The following ARL5C variants were observed in gnomAD, a reference collection of about 807,000 sequenced individuals.
ARL5C encodes the protein ARF like GTPase 5C.
ARL5C carries 21 observed loss-of-function variants against 20.8 expected under a neutral mutation model. That is an observed-to-expected ratio of 1.01 (90% CI 0.72 to 1.46). ARL5C has a LOEUF of 1.46. ARL5C is among the 40% of genes most tolerant of loss of function. The pLI, the probability that ARL5C is intolerant of heterozygous loss-of-function variation, is 0.00. For synonymous variants in ARL5C, 71 were observed against 81.6 expected (o/e 0.87, Z 0.70); for missense variants, 199 against 225.1 (o/e 0.88, Z 0.74).
intron 2 of ARL5C, among the ~76,000 whole-genome samples, chr17:39,163,143 G>A (rs1244811160): frequency 6.6e-6 from 1 of 152,122 alleles, no homozygotes; most frequent in African/African-American, 2.4e-5. Flanking sequence ...GTCTCACTGT[G>A]TTGCCCAGGC....
rs1002107312 is a variant in ARL5C, at chr17:39,165,600, C to T, written c.46+115G>A. 8.2e-6 allele frequency: 11 copies of T among 1,334,306 alleles called. No individual in the cohort carries two copies. The Admixed American group carries it at 2.0e-4, about 24-fold the overall frequency. 82.7% of individuals were successfully genotyped at this position (1,334,306 alleles called of 1,614,324 possible). On this transcript the variant is annotated intron_variant, in intron 1 of 5. Coordinates refer to ENST00000269586, the MANE Select transcript of ARL5C (RefSeq NM_001143968.1). ...GAGGCCGCGGGGCAGTCGAGGAGCG[C>T]CCATATACGACCCTCGGAGCCCGAG... is the stretch of plus-strand genomic sequence containing the variant.
At position 39,160,766 on chromosome 17, in the gene ARL5C, C is replaced by G. The variant is rs949115963; in HGVS notation, c.340-24G>C. 1.5e-5 allele frequency: 23 copies of G among 1,549,134 alleles called. No individual in the cohort carries two copies. In the Admixed American group the frequency reaches 4.5e-4, roughly 30 times the overall value. ...GCCTGTGGACAGAGGAGCCCAGCCC[C>G]AGTCAGCCTGCTAGTGCCCAGCCTT... On this transcript the variant is annotated intron_variant, in intron 4 of 5. Coordinates refer to ENST00000269586, the MANE Select transcript of ARL5C (RefSeq NM_001143968.1).
chr17:39,165,386 G>A (rs144372784), intron 1 of ARL5C: 2 of 590,980 alleles, frequency 3.4e-6, no homozygotes, highest in East Asian at 2.8e-5. Context: ...GGCGCTTCGG[G>A]GCTTGCCAAG....
chr17:39,163,392 T>TTCTTTCTTTCTTTCTTTCTC (rs1555576164), intron 2 of ARL5C, among the ~76,000 whole-genome samples: 3 of 139,904 alleles, frequency 2.1e-5, no homozygotes, highest in Admixed American at 7.1e-5. Flanking sequence ...CTTTCTTTCT[T>TTCTTTCTTTCTTTCTTTCTC]TCTCTCTTTC....
chr17:39,159,022 G>GTTTTT lies in ARL5C; in HGVS notation c.491+1564_491+1568dup, dbSNP rs869126572. 4.6e-4 allele frequency among the ~76,000 whole-genome samples: 24 copies of GTTTTT among 52,468 alleles called. 6 individuals carry two copies. The highest frequency in any genetic ancestry group is 1.8e-3 in the South Asian group (2 of 1,112). The allele number at this position is 52,468 out of a possible 152,430, so 34.4% of individuals were successfully genotyped here. A position where few individuals can be genotyped will look rare whatever the true frequency, so the allele number is the denominator to read the frequency against. On this transcript the variant is annotated intron_variant, in intron 5 of 5. Coordinates refer to ENST00000269586, the MANE Select transcript of ARL5C (RefSeq NM_001143968.1). Reference sequence around the variant, plus strand: ...TTATTCACCTTATCATTTATCACTTGTTTTTTTTTTTTTTTTTTTTTTTTT... The same window carrying GTTTTT: ...TTATTCACCTTATCATTTATCACTTGTTTTTTTTTTTTTTTTTTTTTTTTTTTTTT...
intron 1 of ARL5C, 84 bp from the exon 2 acceptor site, chr17:39,165,223 G>T: frequency 7.2e-7 from 1 of 1,383,142 alleles, no homozygotes. Flanking sequence ...TCCCAGGAAG[G>T]AGATAGCGCT....
chr17:39,163,976 AG>A (rs1294426895), intron 2 of ARL5C: 1 of 150,748 alleles, frequency 6.6e-6, no homozygotes, highest in African/African-American at 2.5e-5. Flanking sequence ...CATGTTGGCC[AG>A]GCTGGTCTCG....
chr17:39,160,278 A>C (rs1297661172), intron 5 of ARL5C: 1 of 245,974 alleles, frequency 4.1e-6, no homozygotes, highest in Admixed American at 5.2e-5. Flanking sequence ...AGCTGAGGTC[A>C]TGCCATTGCA....
downstream of ARL5C, chr17:39,156,760 T>C (rs116044498): frequency 4.7e-3 from 4,815 of 1,030,684 alleles, 136 homozygotes; most frequent in African/African-American, 0.069. Flanking sequence ...GGGAGAATGG[T>C]GTCAATCTCA....
chr17:39,165,893 G>A lies in ARL5C; in HGVS notation c.-133C>T. Reference sequence around the variant, plus strand: ...CTACGAAGTTAGGGAAGCCCCACACGTCACCAACCTGACCTGGGAACCCTC... The same window carrying A: ...CTACGAAGTTAGGGAAGCCCCACACATCACCAACCTGACCTGGGAACCCTC... On this transcript the variant is annotated 5_prime_UTR_variant, in exon 1 of 6. It adds an upstream start codon to the 5' untranslated region. Coordinates refer to ENST00000269586, the MANE Select transcript of ARL5C (RefSeq NM_001143968.1). 2 of 1,025,882 alleles carry A rather than the reference G, an allele frequency of 1.9e-6. No homozygotes were observed. The highest frequency in any genetic ancestry group is 2.9e-6 in the Non-Finnish European group (2 of 690,932). 63.5% of individuals were successfully genotyped at this position (1,025,882 alleles called of 1,614,324 possible).
At position 39,165,133 on chromosome 17, in the gene ARL5C, G is replaced by T; in HGVS notation, c.53C>A (p.Thr18Lys). The change falls in exon 2 of 6, where the codon ACG becomes AAG. Residue 18 changes from threonine (T) to lysine (K), a missense_variant. Thr to Lys is a moderately conservative substitution (Grantham distance 78). Coordinates refer to ENST00000269586, the MANE Select transcript of ARL5C (RefSeq NM_001143968.1). ...LMSIFGNQEH[T>K]VIIVGLDNEG... ...ATTGTCCAGTCCCACGATGATGACC[G>T]TGTGCTCTGGAAGCGTCGGAGGAAG... 1 of 1,551,360 alleles carries T rather than the reference G, an allele frequency of 6.4e-7. No individual in the cohort carries two copies. Among genetic ancestry groups the T allele is most frequent in the Non-Finnish European group, 8.7e-7 (1 of 1,146,848 alleles).
chr17:39,165,867 C>T lies in ARL5C; in HGVS notation c.-107G>A, dbSNP rs1347819265. On this transcript the variant is annotated 5_prime_UTR_variant, in exon 1 of 6. Transcript: ENST00000269586. ...CCCCGGGAGGGTCTGGCAGATTTTG[C>T]CTACGAAGTTAGGGAAGCCCCACAC... The T allele has an allele frequency of 5.8e-6, 8 of 1,381,096 alleles. No individual in the cohort carries two copies. Among genetic ancestry groups the T allele is most frequent in the Non-Finnish European group, 8.0e-6 (8 of 1,002,892 alleles). 85.6% of individuals were successfully genotyped at this position (1,381,096 alleles called of 1,614,324 possible). A position where few individuals can be genotyped will look rare whatever the true frequency, so the allele number is the denominator to read the frequency against.
Position 39,162,718 on chromosome 17 carries a change from T to C in ARL5C, c.248A>G (p.Asn83Ser). Residue 83 changes from asparagine to serine, a missense_variant, in exon 3 of 6, where the codon AAC (asparagine) becomes AGC (serine). Physicochemically the swap from Asn to Ser is conservative, Grantham distance 46. Transcript: ENST00000269586. Reference sequence around the variant, plus strand: ...CCCTGGTGCCCTCCTCACCTCAGTGTTGGAGTAGTATGTGTTCCAGATAAA... The same window carrying C: ...CCCTGGTGCCCTCCTCACCTCAGTGCTGGAGTAGTATGTGTTCCAGATAAA... ...LSFIWNTYYS[N>S]TEFIILVIDS... 10 of 1,551,662 alleles carry C rather than the reference T, an allele frequency of 6.4e-6. No homozygotes were observed. Among genetic ancestry groups the C allele is most frequent in the South Asian group, 1.2e-5 (1 of 84,032 alleles).
At chr17:39,163,444 C>T (rs1159259626) in intron 2 of ARL5C, among the ~76,000 whole-genome samples, 1 of 149,676 alleles carries the variant, frequency 6.7e-6, no homozygotes, top group Non-Finnish European at 1.5e-5. Context: ...CAGAGTCTCA[C>T]TCTGTCGCCC....
chr17:39,160,216 C>T (rs567036049), intron 5 of ARL5C: 125 of 164,764 alleles, frequency 7.6e-4, no homozygotes, highest in African/African-American at 2.4e-3. Context: ...CCAGCTACTC[C>T]GGAGGCTGAG....
At chr17:39,158,289 C>G (rs370113128) in intron 5 of ARL5C, among the ~76,000 whole-genome samples, 1 of 152,136 alleles carries the variant, frequency 6.6e-6, no homozygotes, top group Non-Finnish European at 1.5e-5. Context: ...GTCCCTTGGA[C>G]TGACTTGCCT....
chr17:39,163,299 A>G lies in ARL5C; in HGVS notation c.108-441T>C, dbSNP rs2045443512. Among the ~76,000 whole-genome samples the G allele has an allele frequency of 2.0e-5, 3 of 150,626 alleles. 1 individual carries two copies. The South Asian group carries it at 6.3e-4, about 32-fold the overall frequency. On this transcript the variant is annotated intron_variant, in intron 2 of 5. Transcript: ENST00000269586. ...TGAATGACCTGAGAGTTTTGTCAAA[A>G]TGCAGATTCTGACCCAGTGAGTCTG...
intron 3 of ARL5C, among the ~76,000 whole-genome samples, chr17:39,161,830 C>T (rs1211410755): frequency 1.3e-5 from 2 of 152,176 alleles, no homozygotes; most frequent in Non-Finnish European, 2.9e-5. Context: ...ATTGTCTTTT[C>T]TATCCAGACA....
At chr17:39,156,827 A>T, downstream of ARL5C, 4 of 1,528,336 alleles carry the variant, frequency 2.6e-6, no homozygotes, top group South Asian at 4.8e-5. Context: ...ATAAATAGCC[A>T]CTTGATTTTC....
Sources: allele counts gnomAD v4.1 joint callset (sites outside exome capture counted in the v4.1 genomes callset), GRCh38; gene constraint gnomAD v4.1.1; transcripts MANE v1.5; gene names NCBI Gene and HGNC (gene_info 2026-07-23, HGNC 2026-07-21).